Variants in RALGAPA2 observed in about 807,000 individuals in gnomAD.
RALGAPA2 encodes ral GTPase-activating protein subunit alpha-2.
Under a neutral mutation model 230.4 loss-of-function variants are expected in RALGAPA2, and 139 were observed. The observed-to-expected ratio is 0.60, with a 90% CI of 0.53 to 0.69. The LOEUF (loss-of-function observed/expected upper bound fraction) is 0.69. RALGAPA2 is among the 30% of genes least tolerant of loss of function. The probability of loss-of-function intolerance (pLI) is 0.00; values close to 1 mark genes in which losing one functional copy is unlikely to be tolerated. For synonymous variants in RALGAPA2, 847 were observed against 837.8 expected (o/e 1.01, Z -0.19); for missense variants, 2,163 against 2,276.0 (o/e 0.95, Z 1.01).
intron 37 of RALGAPA2, among the ~76,000 whole-genome samples, chr20:20,422,957 C>T (rs551252075): frequency 2.8e-4 from 43 of 152,282 alleles, no homozygotes; most frequent in Admixed American, 2.2e-3. Context: ...GAAGAAGCAA[C>T]ACCAGCCTGT....
intron 4 of RALGAPA2, 88 bp downstream of exon 4, chr20:20,653,442 T>G: frequency 2.6e-6 from 2 of 760,878 alleles, no homozygotes; most frequent in Non-Finnish European, 4.4e-6. Flanking sequence ...TTCTATAAGC[T>G]ATCTTGATGA....
intron 3 of RALGAPA2, among the ~76,000 whole-genome samples, chr20:20,674,728 CATGTCGA>C (rs1041711019): frequency 5.9e-5 from 9 of 152,150 alleles, no homozygotes; most frequent in African/African-American, 2.2e-4. Context: ...GGGTAAAAAG[CATGTCGA>C]AGGTGATTAT....
intron 37 of RALGAPA2, among the ~76,000 whole-genome samples, chr20:20,431,032 A>G (rs2060490839): frequency 6.6e-6 from 1 of 152,164 alleles, no homozygotes; most frequent in Admixed American, 6.5e-5. Context: ...GCAAGGCATC[A>G]TGAGAAGGAA....
At chr20:20,689,333 C>A (rs62202189) in intron 1 of RALGAPA2, among the ~76,000 whole-genome samples, 2 of 152,166 alleles carry the variant, frequency 1.3e-5, no homozygotes, top group African/African-American at 4.8e-5. Context: ...TAAATATTAC[C>A]AAAATCACAC....
At chr20:20,600,115 C>T (rs571496111) in intron 16 of RALGAPA2, among the ~76,000 whole-genome samples, 3 of 151,470 alleles carry the variant, frequency 2.0e-5, no homozygotes, top group Admixed American at 6.6e-5. Context: ...GCCAACATGG[C>T]GAAACCCCGT....
chr20:20,524,460 T>G lies in RALGAPA2; in HGVS notation c.3846A>C (p.Ala1282=). 5 of 1,613,932 alleles carry G rather than the reference T, an allele frequency of 3.1e-6. No homozygotes were observed. Among genetic ancestry groups the G allele is most frequent in the Non-Finnish European group, 4.2e-6 (5 of 1,179,870 alleles). Reference sequence around the variant, plus strand: ...TGGCCGAATGCTGCTCCTCTAGGACTGCTGTGGACACGGGGTGGAGAAGGA... The same window carrying G: ...TGGCCGAATGCTGCTCCTCTAGGACGGCTGTGGACACGGGGTGGAGAAGGA... ...VSVLLHPVST[A]VLEEQHSARA... is the part of the protein sequence containing the mutation. The change falls in exon 30 of 40, where the codon GCA becomes GCC. Residue 1282 remains alanine (A), a synonymous_variant. Coordinates refer to ENST00000202677, the MANE Select transcript of RALGAPA2 (RefSeq NM_020343.4).
chr20:20,512,411 C>T, intron 32 of RALGAPA2, 102 bp downstream of exon 32: 1 of 1,213,604 alleles, frequency 8.2e-7, no homozygotes, highest in Admixed American at 3.0e-5. Flanking sequence ...CCCTTCTCCT[C>T]TCTTCCCCAA....
intron 34 of RALGAPA2, among the ~76,000 whole-genome samples, chr20:20,503,988 T>C (rs922757504): frequency 2.0e-5 from 3 of 152,200 alleles, no homozygotes; most frequent in African/African-American, 7.2e-5. Context: ...TTTACACCAC[T>C]GCCGAAAGTT....
chr20:20,639,778 C>A lies in RALGAPA2; in HGVS notation c.666+7G>T, dbSNP rs1229492393. 3.2e-6 allele frequency: 5 copies of A among 1,578,012 alleles called. No homozygotes were observed. Among genetic ancestry groups the A allele is most frequent in the Non-Finnish European group, 4.4e-6 (5 of 1,147,540 alleles). ...CATCACTGAAATAGTCATAATTTTT[C>A]TCTGACCTGAATAACCATATACTTC... is the stretch of plus-strand genomic sequence containing the variant. On this transcript the variant is annotated splice_region_variant and intron_variant, in intron 7 of 39. Coordinates refer to ENST00000202677, the MANE Select transcript of RALGAPA2 (RefSeq NM_020343.4).
At chr20:20,605,063 T>C in intron 15 of RALGAPA2, 112 bp downstream of exon 15, 1 of 803,016 alleles carries the variant, frequency 1.2e-6, no homozygotes. Context: ...GAAGACACTG[T>C]GTAGTTGGTT....
intron 37 of RALGAPA2, among the ~76,000 whole-genome samples, chr20:20,469,636 A>G (rs2061495641): frequency 6.6e-6 from 1 of 152,218 alleles, no homozygotes; most frequent in Non-Finnish European, 1.5e-5. Context: ...AACTCCTCCT[A>G]ACGGGCACAC....
At chr20:20,622,488 G>A (rs1251645247) in intron 10 of RALGAPA2, among the ~76,000 whole-genome samples, 1 of 152,172 alleles carries the variant, frequency 6.6e-6, no homozygotes, top group Non-Finnish European at 1.5e-5. Context: ...TTCCTCCAAA[G>A]GAGCAACCAC....
chr20:20,404,893 T>C (rs1395554345), intron 38 of RALGAPA2, among the ~76,000 whole-genome samples: 1 of 152,218 alleles, frequency 6.6e-6, no homozygotes, highest in Admixed American at 6.5e-5. Flanking sequence ...AAATGAATGA[T>C]CTCAGGCCGC....
intron 3 of RALGAPA2, among the ~76,000 whole-genome samples, chr20:20,655,136 T>C (rs553813355): frequency 4.7e-4 from 71 of 152,306 alleles, no homozygotes; most frequent in Non-Finnish European, 9.7e-4. Context: ...ACGATAATTC[T>C]GACAAACACT....
chr20:20,465,646 G>A (rs773311855), intron 37 of RALGAPA2, among the ~76,000 whole-genome samples: 2 of 152,156 alleles, frequency 1.3e-5, no homozygotes, highest in Non-Finnish European at 2.9e-5. Flanking sequence ...TTTTCTAACA[G>A]TGAGATGTCA....
chr20:20,482,087 G>C (rs905888203), intron 36 of RALGAPA2, among the ~76,000 whole-genome samples: 3 of 152,122 alleles, frequency 2.0e-5, no homozygotes, highest in African/African-American at 2.4e-5. Flanking sequence ...TAAAATACCA[G>C]AAGATAGCTT....
intron 35 of RALGAPA2, among the ~76,000 whole-genome samples, chr20:20,499,136 G>A (rs1378235733): frequency 6.6e-6 from 1 of 152,178 alleles, no homozygotes; most frequent in East Asian, 1.9e-4. Context: ...TGCTGTTACT[G>A]TGACTGATTT....
At chr20:20,660,519 C>G (rs935180931) in intron 3 of RALGAPA2, among the ~76,000 whole-genome samples, 11 of 150,852 alleles carry the variant, frequency 7.3e-5, no homozygotes, top group African/African-American at 2.7e-4. Context: ...AAAGTACAGG[C>G]CTGTTTTTTT....
Position 20,511,380 on chromosome 20 carries a change from G to A in RALGAPA2, c.4857-55C>T, listed in dbSNP as rs545142914. 3.9e-5 allele frequency: 59 copies of A among 1,512,752 alleles called. No individual in the cohort carries two copies. The East Asian group carries it at 6.2e-4, about 16-fold the overall frequency. 93.7% of individuals were successfully genotyped at this position (1,512,752 alleles called of 1,614,324 possible). ...CATGTGATTACAGAACCATTTTGCC[G>A]CTTTTCAATCAGTAATTTAATAAAA... On this transcript the variant is annotated intron_variant, in intron 32 of 39. Coordinates refer to ENST00000202677, the MANE Select transcript of RALGAPA2 (RefSeq NM_020343.4).
Sources: allele counts gnomAD v4.1 joint callset (sites outside exome capture counted in the v4.1 genomes callset), GRCh38; gene constraint gnomAD v4.1.1; transcripts MANE v1.5; gene names NCBI Gene and HGNC (gene_info 2026-07-23, HGNC 2026-07-21).